Variants in ZFR observed in about 807,000 individuals in gnomAD.
ZFR encodes zinc finger RNA binding protein.
Under a neutral mutation model 130.7 loss-of-function variants are expected in ZFR, and 19 were observed. The observed-to-expected ratio is 0.15, with a 90% CI of 0.10 to 0.21. ZFR has a LOEUF of 0.21. ZFR is among the 10% of genes least tolerant of loss of function. The probability of loss-of-function intolerance (pLI) is 1.00; values close to 1 mark genes in which losing one functional copy is unlikely to be tolerated. For missense variants in ZFR, 872 were observed against 1,321.5 expected (o/e 0.66, Z 5.27); for synonymous variants, 466 against 456.9 (o/e 1.02, Z -0.25).
chr5:32,392,943 C>G (rs1753215525), intron 11 of ZFR, among the ~76,000 whole-genome samples: 1 of 152,072 alleles, frequency 6.6e-6, no homozygotes, highest in African/African-American at 2.4e-5. Flanking sequence ...TGCAGTGAGC[C>G]AAGATCGTGC....
chr5:32,400,670 C>G (rs1210395929), intron 8 of ZFR, among the ~76,000 whole-genome samples: 1 of 152,044 alleles, frequency 6.6e-6, no homozygotes, highest in African/African-American at 2.4e-5. Context: ...TGAGACCAGC[C>G]GGGGGAACAT....
chr5:32,403,938 C>A lies in ZFR; in HGVS notation c.1192G>T (p.Ala398Ser). The change falls in exon 7 of 20, where the codon GCT becomes TCT. Residue 398 changes from alanine to serine, a missense_variant. Around this residue, in one of 7 missense-constraint regions of ZFR, gnomAD observed 21 missense variants for 54.4 expected, o/e 0.39. Transcript: ENST00000265069. Reference sequence around the variant, plus strand: ...TGCTTAGCACCACGAATGTGGGCAGCATACGCATCTGCTCCTGTACAAGAC... The same window carrying A: ...TGCTTAGCACCACGAATGTGGGCAGAATACGCATCTGCTCCTGTACAAGAC... ...DVSCTGADAY[A>S]AHIRGAKHQK... 6.2e-7 allele frequency: 1 copy of A among 1,603,940 alleles called. No individual in the cohort carries two copies. The highest frequency in any genetic ancestry group is 8.5e-7 in the Non-Finnish European group (1 of 1,174,976).
intron 16 of ZFR, chr5:32,379,800 A>T (rs1251889292): frequency 1.4e-5 from 4 of 292,798 alleles, no homozygotes; most frequent in Non-Finnish European, 2.6e-5. Flanking sequence ...TGATGTTCCT[A>T]AACAAGTCAA....
In ZFR at chr5:32,444,389, C is replaced by A. The variant is rs1285638686; in HGVS notation, c.38-61G>T. 4.0e-6 allele frequency: 6 copies of A among 1,499,392 alleles called. No individual in the cohort carries two copies. In the African/African-American group the frequency reaches 8.6e-5, roughly 21 times the overall value. The allele number at this position is 1,499,392 out of a possible 1,614,324, so 92.9% of individuals were successfully genotyped here. On this transcript the variant is annotated intron_variant, in intron 1 of 19. Transcript: ENST00000265069. ...GACAAGAGACACAGAGGAGCCGAGA[C>A]GCCGAGGGAGGGCAGGGAGAGAAAG...
intron 2 of ZFR, among the ~76,000 whole-genome samples, chr5:32,429,237 T>C (rs1477328130): frequency 2.0e-5 from 3 of 152,106 alleles, no homozygotes; most frequent in East Asian, 3.9e-4. Flanking sequence ...CTGCCCGGCT[T>C]GGCCTCCCAA....
intron 8 of ZFR, among the ~76,000 whole-genome samples, chr5:32,401,155 A>G (rs1753440025): frequency 6.6e-6 from 1 of 152,246 alleles, no homozygotes; most frequent in Admixed American, 6.5e-5. Flanking sequence ...CCAAGAGAAT[A>G]GCATGTTAAT....
At chr5:32,388,283 G>A (rs1464798521) in intron 13 of ZFR, among the ~76,000 whole-genome samples, 186 bp downstream of exon 13, 1 of 152,174 alleles carries the variant, frequency 6.6e-6, no homozygotes, top group Non-Finnish European at 1.5e-5. Context: ...CACTACATGT[G>A]TCCGTGGAAC....
At chr5:32,422,144 A>G (rs894113770) in intron 2 of ZFR, among the ~76,000 whole-genome samples, 2 of 151,932 alleles carry the variant, frequency 1.3e-5, no homozygotes, top group Non-Finnish European at 2.9e-5. Context: ...AACATGTCCT[A>G]TTAGACAAAA....
chr5:32,379,264 C>T (rs755718568), intron 16 of ZFR, 54 bp from the exon 17 acceptor site: 2 of 1,483,534 alleles, frequency 1.3e-6, no homozygotes, highest in Non-Finnish European at 9.4e-7. Flanking sequence ...CTGAATATAT[C>T]CCTTGATGAA....
At chr5:32,367,068 C>T (rs1329849605) in intron 17 of ZFR, among the ~76,000 whole-genome samples, 1 of 151,744 alleles carries the variant, frequency 6.6e-6, no homozygotes, top group Non-Finnish European at 1.5e-5. Flanking sequence ...GTAATATTTG[C>T]TTTTTATTTA....
At chr5:32,444,565 C>G in intron 1 of ZFR, 57 bp downstream of exon 1, 1 of 1,440,246 alleles carries the variant, frequency 6.9e-7, no homozygotes, top group Non-Finnish European at 9.1e-7. Context: ...CGGCTCCCCG[C>G]TGCCCGGGGC....
At position 32,444,468 on chromosome 5, in the gene ZFR, C is replaced by G. The variant is rs1252823824; in HGVS notation, c.38-140G>C. ...GGGGCCCAGGCCGCGGCCGCGCCGC[C>G]TCCCCCTCCCGCCTCGCACTCCCTC... is the stretch of plus-strand genomic sequence containing the variant. On this transcript the variant is annotated intron_variant, in intron 1 of 19. Transcript: ENST00000265069. The G allele has an allele frequency of 3.1e-6, 4 of 1,283,200 alleles. No individual in the cohort carries two copies. The East Asian group carries it at 9.3e-5, about 30-fold the overall frequency. 79.5% of individuals were successfully genotyped at this position (1,283,200 alleles called of 1,614,324 possible). A position where few individuals can be genotyped will look rare whatever the true frequency, so the allele number is the denominator to read the frequency against.
At chr5:32,442,152 G>C (rs183311172) in intron 2 of ZFR, among the ~76,000 whole-genome samples, 1 of 152,098 alleles carries the variant, frequency 6.6e-6, no homozygotes, top group Admixed American at 6.5e-5. Flanking sequence ...AGTAAATAAA[G>C]TTAGTAATTC....
intron 19 of ZFR, among the ~76,000 whole-genome samples, chr5:32,362,117 T>C (rs904675610): frequency 6.6e-6 from 1 of 152,200 alleles, no homozygotes; most frequent in Non-Finnish European, 1.5e-5. Context: ...TGAAGATTGA[T>C]ACAAATCATT....
chr5:32,391,276 C>G (rs1475198935), intron 11 of ZFR, among the ~76,000 whole-genome samples: 1 of 152,140 alleles, frequency 6.6e-6, no homozygotes, highest in African/African-American at 2.4e-5. Flanking sequence ...ATAGCATATA[C>G]AGGGTTTGGT....
chr5:32,420,913 T>C (rs928591936), intron 2 of ZFR, among the ~76,000 whole-genome samples: 6 of 152,232 alleles, frequency 3.9e-5, no homozygotes, highest in South Asian at 2.1e-4. Flanking sequence ...CATTTCATTA[T>C]ACAAAGTTAC....
At chr5:32,360,192 T>C (rs1257470542) in intron 19 of ZFR, among the ~76,000 whole-genome samples, 2 of 152,238 alleles carry the variant, frequency 1.3e-5, no homozygotes, top group African/African-American at 4.8e-5. Flanking sequence ...TTTCTCTACA[T>C]AGTTATAGCC....
chr5:32,359,447 A>AT (rs1752383474), intron 19 of ZFR, among the ~76,000 whole-genome samples: 1 of 152,160 alleles, frequency 6.6e-6, no homozygotes, highest in Non-Finnish European at 1.5e-5. Context: ...AGATATGCTA[A>AT]TATCTATTTA....
rs1409164732 is a variant in ZFR, at chr5:32,399,867, CAA to C, written c.1713+138_1713+139del. 6 of 784,842 alleles carry C rather than the reference CAA, an allele frequency of 7.6e-6. No individual in the cohort carries two copies. In the African/African-American group the frequency reaches 9.0e-5, roughly 12 times the overall value. The allele number at this position is 784,842 out of a possible 1,614,324, so 48.6% of individuals were successfully genotyped here. On this transcript the variant is annotated intron_variant, in intron 9 of 19. Coordinates refer to ENST00000265069, the MANE Select transcript of ZFR (RefSeq NM_016107.5). Reference sequence around the variant, plus strand: ...GCTTAAAGGACATGCTTTCTTATAACAAAGATTCCTTTAATATTCTTTAAGTA... The same window carrying C: ...GCTTAAAGGACATGCTTTCTTATAACAGATTCCTTTAATATTCTTTAAGTA...
Sources: allele counts gnomAD v4.1 joint callset (sites outside exome capture counted in the v4.1 genomes callset), GRCh38; gene constraint gnomAD v4.1.1; regional missense constraint gnomAD v4.1.1; transcripts MANE v1.5; gene names NCBI Gene and HGNC (gene_info 2026-07-23, HGNC 2026-07-21).